Variants in ARHGEF12 observed in about 807,000 individuals in gnomAD.
ARHGEF12 encodes KMT2A/ARHGEF12 fusion protein.
ARHGEF12 carries 66 observed loss-of-function variants against 211.2 expected under a neutral mutation model. That is an observed-to-expected ratio of 0.31 (90% CI 0.26 to 0.38). ARHGEF12 has a LOEUF of 0.38. ARHGEF12 is among the 10% of genes least tolerant of loss of function. The probability of loss-of-function intolerance (pLI) is 1.00; values close to 1 mark genes in which losing one functional copy is unlikely to be tolerated. For synonymous variants in ARHGEF12, 592 were observed against 638.4 expected (o/e 0.93, Z 1.09); for missense variants, 1,429 against 1,869.5 (o/e 0.76, Z 4.34).
chr11:120,384,280 C>A (rs928198520), intron 1 of ARHGEF12, among the ~76,000 whole-genome samples: 12 of 152,156 alleles, frequency 7.9e-5, no homozygotes, highest in African/African-American at 2.7e-4. Flanking sequence ...TGATTTCCTT[C>A]AAAATTCACA....
chr11:120,481,734 G>A (rs1297521094), intron 39 of ARHGEF12, among the ~76,000 whole-genome samples, 158 bp downstream of exon 39: 1 of 151,750 alleles, frequency 6.6e-6, no homozygotes, highest in African/African-American at 2.4e-5. Context: ...AGTTGAGATT[G>A]GCATTGTTTA....
chr11:120,357,438 A>G (rs1943160712), intron 1 of ARHGEF12, among the ~76,000 whole-genome samples: 1 of 152,266 alleles, frequency 6.6e-6, no homozygotes, highest in South Asian at 2.1e-4. Flanking sequence ...GGAGACTGAA[A>G]GGAGAAAAAT....
At position 120,478,290 on chromosome 11, in the gene ARHGEF12, G is replaced by A. The variant is rs1368916583; in HGVS notation, c.3667G>A (p.Gly1223Arg). Residue 1223 changes from glycine to arginine, a missense_variant, in exon 37 of 41, where the codon GGG becomes AGG. Coordinates refer to ENST00000397843, the MANE Select transcript of ARHGEF12 (RefSeq NM_015313.3). The stretch of plus-strand genomic sequence containing the variant: ...GTTTGCAAAGGAACAACATACAGAT[G>A]GGACACTAAAGGAAGTTGGAGAAGA... ...RQFAKEQHTDGTLKEVGEDYQ... is the reference protein window; with the variant it reads ...RQFAKEQHTDRTLKEVGEDYQ... The A allele has an allele frequency of 1.9e-6, 3 of 1,614,020 alleles. No homozygotes were observed. In the African/African-American group the frequency reaches 4.0e-5, roughly 22 times the overall value.
chr11:120,397,092 GT>G (rs1406560025), intron 1 of ARHGEF12, among the ~76,000 whole-genome samples: 1 of 152,166 alleles, frequency 6.6e-6, no homozygotes, highest in African/African-American at 2.4e-5. Context: ...TATTCAGTTT[GT>G]GGATAGTATA....
chr11:120,486,775 TAAC>T lies in ARHGEF12; in HGVS notation c.*1701_*1703del. On this transcript the variant is annotated 3_prime_UTR_variant, in exon 41 of 41. Transcript: ENST00000397843. ...TACTTTTATAAACACCACTGCAACTTAACAAGTTTATTTATCTATGTCCAGATT... is the reference window on the plus strand; with the variant it reads ...TACTTTTATAAACACCACTGCAACTTAAGTTTATTTATCTATGTCCAGATT... The T allele has an allele frequency of 4.6e-6, 1 of 218,034 alleles. No individual in the cohort carries two copies. The allele number at this position is 218,034 out of a possible 1,614,324, so 13.5% of individuals were successfully genotyped here.
At chr11:120,351,210 G>C (rs1942929020) in intron 1 of ARHGEF12, among the ~76,000 whole-genome samples, 2 of 150,412 alleles carry the variant, frequency 1.3e-5, no homozygotes, top group Admixed American at 1.3e-4. Context: ...AATTACCTGG[G>C]TGTGGTAGCA....
chr11:120,446,226 A>C (rs1169276101), intron 16 of ARHGEF12, among the ~76,000 whole-genome samples, 177 bp from the exon 17 acceptor site: 2 of 149,850 alleles, frequency 1.3e-5, no homozygotes, highest in African/African-American at 4.9e-5. Context: ...TAATAATAAT[A>C]ATAATAATAA....
chr11:120,379,447 G>A (rs1943817872), intron 1 of ARHGEF12, among the ~76,000 whole-genome samples: 1 of 151,734 alleles, frequency 6.6e-6, no homozygotes, highest in South Asian at 2.1e-4. Flanking sequence ...AGTGGTGAAA[G>A]CAGACATGTA....
intron 1 of ARHGEF12, among the ~76,000 whole-genome samples, chr11:120,358,045 T>C (rs1050628778): frequency 1.3e-5 from 2 of 151,994 alleles, no homozygotes; most frequent in Admixed American, 1.3e-4. Flanking sequence ...TCTAAGGAGT[T>C]TGGATTTTAA....
chr11:120,479,874 T>G, intron 37 of ARHGEF12, 86 bp from the exon 38 acceptor site: 1 of 1,077,408 alleles, frequency 9.3e-7, no homozygotes, highest in Non-Finnish European at 1.4e-6. Flanking sequence ...AGATAGATCA[T>G]TGGTAAGTCA....
intron 1 of ARHGEF12, among the ~76,000 whole-genome samples, chr11:120,373,963 A>G (rs1943657604): frequency 6.6e-6 from 1 of 152,032 alleles, no homozygotes; most frequent in Admixed American, 6.5e-5. Context: ...ATGCACCACC[A>G]CGCCCGGCTA....
intron 1 of ARHGEF12, among the ~76,000 whole-genome samples, chr11:120,360,981 T>C (rs1943260390): frequency 6.6e-6 from 1 of 152,178 alleles, no homozygotes; most frequent in African/African-American, 2.4e-5. Context: ...GATTTTAAGG[T>C]CATTAAGACA....
At position 120,466,933 on chromosome 11, in the gene ARHGEF12, C is replaced by T. The variant is rs373247748; in HGVS notation, c.2740-261C>T. Reference sequence around the variant, plus strand: ...ACTGTTTCAACACAAGGAAGCGATACGTAGAGCTGCTTATGGATGCTTTCA... The same window carrying T: ...ACTGTTTCAACACAAGGAAGCGATATGTAGAGCTGCTTATGGATGCTTTCA... On this transcript the variant is annotated intron_variant, in intron 28 of 40. Coordinates refer to ENST00000397843, the MANE Select transcript of ARHGEF12 (RefSeq NM_015313.3). Among the ~76,000 whole-genome samples, 11 of 152,288 alleles carry T rather than the reference C, an allele frequency of 7.2e-5. No homozygotes were observed. The East Asian group carries it at 1.7e-3, about 24-fold the overall frequency.
chr11:120,350,146 A>G (rs190320476), intron 1 of ARHGEF12, among the ~76,000 whole-genome samples: 31 of 152,310 alleles, frequency 2.0e-4, no homozygotes, highest in Admixed American at 3.9e-4. Flanking sequence ...AGCTCTTGCT[A>G]CCTGCTGAAT....
intron 1 of ARHGEF12, among the ~76,000 whole-genome samples, chr11:120,371,090 T>C (rs1342580669): frequency 6.6e-6 from 1 of 152,244 alleles, no homozygotes; most frequent in African/African-American, 2.4e-5. Context: ...GTGAGATATG[T>C]GCATGAGGTT....
chr11:120,474,197 C>T (rs1946958631), intron 31 of ARHGEF12, among the ~76,000 whole-genome samples: 1 of 152,168 alleles, frequency 6.6e-6, no homozygotes, highest in Non-Finnish European at 1.5e-5. Context: ...TATAGACAAG[C>T]ATATGTACCA....
At chr11:120,399,362 A>G (rs1389232879) in intron 1 of ARHGEF12, among the ~76,000 whole-genome samples, 3 of 148,434 alleles carry the variant, frequency 2.0e-5, no homozygotes, top group East Asian at 4.0e-4. Flanking sequence ...GAAAAGAAAG[A>G]TAAATAGATC....
At chr11:120,480,998 G>A (rs978031072) in intron 38 of ARHGEF12, among the ~76,000 whole-genome samples, 1 of 152,204 alleles carries the variant, frequency 6.6e-6, no homozygotes, top group Non-Finnish European at 1.5e-5. Context: ...GGCAGGGGAA[G>A]TGGTAGCAAG....
At chr11:120,448,088 C>A in intron 19 of ARHGEF12, 146 bp from the exon 20 acceptor site, 2 of 750,656 alleles carry the variant, frequency 2.7e-6, no homozygotes, top group Non-Finnish European at 4.3e-6. Context: ...ATTCTCTTCT[C>A]TGTGCAATGA....
Sources: allele counts gnomAD v4.1 joint callset (sites outside exome capture counted in the v4.1 genomes callset), GRCh38; gene constraint gnomAD v4.1.1; transcripts MANE v1.5; gene names NCBI Gene and HGNC (gene_info 2026-07-23, HGNC 2026-07-21).